Variants in SPIRE1 observed in about 807,000 individuals in gnomAD.
The protein encoded by SPIRE1 is protein spire homolog 1.
Under a neutral mutation model 94.1 loss-of-function variants are expected in SPIRE1, and 40 were observed. That is an observed-to-expected ratio of 0.43 (90% CI 0.33 to 0.55). SPIRE1 has a LOEUF of 0.55. Ranked by LOEUF, SPIRE1 falls within the 20% of genes least tolerant of loss-of-function variation. SPIRE1 has a pLI of 0.06. For missense variants in SPIRE1, 838 were observed against 975.2 expected (o/e 0.86, Z 1.87); for synonymous variants, 376 against 371.7 (o/e 1.01, Z -0.13).
At position 12,634,791 on chromosome 18, in the gene SPIRE1, T is replaced by C. The variant is rs757850917; in HGVS notation, c.372+271A>G. On this transcript the variant is annotated intron_variant, in intron 2 of 16. Transcript: ENST00000409402. ...CTCTACTAAAAATACAAAAATTAGC[T>C]GAGCGTGGTGGTGGGTGCCTATAAT... is the stretch of plus-strand genomic sequence containing the variant. Among the ~76,000 whole-genome samples the C allele has an allele frequency of 3.9e-4, 60 of 152,114 alleles. No individual in the cohort carries two copies. The Middle Eastern group carries it at 0.02, about 52-fold the overall frequency.
At chr18:12,601,600 A>C (rs971369840) in intron 2 of SPIRE1, among the ~76,000 whole-genome samples, 7 of 152,182 alleles carry the variant, frequency 4.6e-5, no homozygotes, top group Non-Finnish European at 1.0e-4. Context: ...ATCACTCCAG[A>C]TGAAAGAAAA....
chr18:12,622,824 C>T (rs905561009), intron 2 of SPIRE1, among the ~76,000 whole-genome samples: 7 of 152,158 alleles, frequency 4.6e-5, no homozygotes, highest in African/African-American at 1.7e-4. Flanking sequence ...TTCAGACATC[C>T]TTGTGTTCTG....
Position 12,496,083 on chromosome 18 carries a change from G to A in SPIRE1, c.992C>T (p.Pro331Leu), listed in dbSNP as rs1355184124. 5 of 1,613,260 alleles carry A rather than the reference G, an allele frequency of 3.1e-6. No individual in the cohort carries two copies. The highest frequency in any genetic ancestry group is 3.3e-5 in the Admixed American group (2 of 60,014). Residue 331 changes from proline to leucine, a missense_variant, in exon 7 of 17, where the codon CCT becomes CTT. Coordinates refer to ENST00000409402, the MANE Select transcript of SPIRE1 (RefSeq NM_001128626.2). ...TTCATGAGCACTCTTTTTTAACCGA[G>A]GGGGAATATCACCATTCACCTAAAA... ...RKVMVNGDIP[P>L]RLKKSAHEII...
chr18:12,603,425 T>C (rs1036013225), intron 2 of SPIRE1, among the ~76,000 whole-genome samples: 3 of 152,114 alleles, frequency 2.0e-5, no homozygotes, highest in Non-Finnish European at 4.4e-5. Context: ...TTTTTGTATA[T>C]TAATGATTGA....
At chr18:12,601,273 AAT>A (rs1237729033) in intron 2 of SPIRE1, among the ~76,000 whole-genome samples, 1 of 151,874 alleles carries the variant, frequency 6.6e-6, no homozygotes, top group Non-Finnish European at 1.5e-5. Context: ...AAATACAAAA[AAT>A]AGTCAGGCAT....
At chr18:12,462,082 T>C (rs1162719591) in intron 12 of SPIRE1, among the ~76,000 whole-genome samples, 2 of 152,248 alleles carry the variant, frequency 1.3e-5, no homozygotes, top group Non-Finnish European at 2.9e-5. Flanking sequence ...GACAAGGCTA[T>C]ATTTAATCGA....
chr18:12,527,381 C>A (rs2034552913), intron 4 of SPIRE1, among the ~76,000 whole-genome samples: 1 of 152,076 alleles, frequency 6.6e-6, no homozygotes. Flanking sequence ...TACTACCAAA[C>A]TCACAAGAAC....
intron 4 of SPIRE1, among the ~76,000 whole-genome samples, chr18:12,526,092 C>CACACACACACAGAG (rs765621602): frequency 6.7e-6 from 1 of 148,974 alleles, no homozygotes; most frequent in Non-Finnish European, 1.5e-5. Flanking sequence ...CACACACACA[C>CACACACACACAGAG]AGAGATGTAT....
At chr18:12,600,709 T>G (rs1032264976) in intron 2 of SPIRE1, among the ~76,000 whole-genome samples, 4 of 152,190 alleles carry the variant, frequency 2.6e-5, no homozygotes, top group Non-Finnish European at 5.9e-5. Context: ...TGGTAACTAA[T>G]TTAATACATT....
upstream of SPIRE1, chr18:12,658,700 G>A (rs561081058): frequency 4.6e-6 from 2 of 435,842 alleles, no homozygotes; most frequent in Middle Eastern, 3.5e-4. Flanking sequence ...AGTTTCCCGT[G>A]ACCCCGCGGC....
At chr18:12,627,376 G>A (rs2037660835) in intron 2 of SPIRE1, among the ~76,000 whole-genome samples, 1 of 152,100 alleles carries the variant, frequency 6.6e-6, no homozygotes, top group African/African-American at 2.4e-5. Context: ...CTATGTCCCT[G>A]CAAAGGACAT....
In SPIRE1 at chr18:12,489,777, A is replaced by T. The variant is rs28533061; in HGVS notation, c.1189+3295T>A. Among the ~76,000 whole-genome samples, 387 of 152,366 alleles carry T rather than the reference A, an allele frequency of 2.5e-3. 5 individuals are homozygous for T. Among genetic ancestry groups the T allele is most frequent in the African/African-American group, 9.0e-3 (374 of 41,596 alleles). On this transcript the variant is annotated intron_variant, in intron 8 of 16. Coordinates refer to ENST00000409402, the MANE Select transcript of SPIRE1 (RefSeq NM_001128626.2). ...GCCAAATAAACCATTAGATGCAGAT[A>T]ACAAAGTACTGTATATACACAGTTT...
At chr18:12,648,411 A>G (rs2038283628) in intron 1 of SPIRE1, among the ~76,000 whole-genome samples, 1 of 152,078 alleles carries the variant, frequency 6.6e-6, no homozygotes, top group Non-Finnish European at 1.5e-5. Context: ...TTCCCCCAAA[A>G]CTATAACCCA....
intron 2 of SPIRE1, among the ~76,000 whole-genome samples, chr18:12,553,082 G>A (rs1449213103): frequency 1.3e-5 from 2 of 152,188 alleles, no homozygotes; most frequent in African/African-American, 4.8e-5. Context: ...TACCCAGGTA[G>A]TACGCCATGG....
chr18:12,515,301 G>A (rs2034165801), intron 4 of SPIRE1, among the ~76,000 whole-genome samples: 2 of 151,944 alleles, frequency 1.3e-5, no homozygotes, highest in Non-Finnish European at 2.9e-5. Flanking sequence ...GACTGCTTGA[G>A]GCCAGGAGTT....
intron 12 of SPIRE1, among the ~76,000 whole-genome samples, chr18:12,456,136 A>G (rs2031496598): frequency 6.6e-6 from 1 of 152,212 alleles, no homozygotes; most frequent in African/African-American, 2.4e-5. Context: ...ACTCAGAAAG[A>G]TTATATCATT....
At chr18:12,620,718 T>A (rs2037442157) in intron 2 of SPIRE1, among the ~76,000 whole-genome samples, 1 of 152,178 alleles carries the variant, frequency 6.6e-6, no homozygotes, top group Admixed American at 6.5e-5. Context: ...AAAATAGGCA[T>A]AAATCTTCAT....
chr18:12,657,554 C>A lies in SPIRE1; in HGVS notation c.313G>T (p.Ala105Ser). The A allele has an allele frequency of 8.1e-7, 1 of 1,236,148 alleles. No homozygotes were observed. Among genetic ancestry groups the A allele is most frequent in the Middle Eastern group, 2.6e-4 (1 of 3,810 alleles). The allele number at this position is 1,236,148 out of a possible 1,614,324, so 76.6% of individuals were successfully genotyped here. Residue 105 changes from alanine to serine, a missense_variant, in exon 1 of 17, where the codon GCG becomes TCG. This residue lies in a region of SPIRE1 where 193 missense variants were observed against 170.5 expected (regional missense o/e 1.13). Transcript: ENST00000409402. ...CCCGCAACTGGGGGCGGCTCTCCCG[C>A]GTCGTCGGCCGCGGGCGCCAGGGTG... Reference protein sequence around the residue: ...AVTLAPAADDAGEPPPVAGKL... With the variant: ...AVTLAPAADDSGEPPPVAGKL...
chr18:12,597,518 T>C (rs1377228618), intron 2 of SPIRE1, among the ~76,000 whole-genome samples: 1 of 152,186 alleles, frequency 6.6e-6, no homozygotes, highest in African/African-American at 2.4e-5. Context: ...ACTATATCTC[T>C]GGGCCTGGCA....
Sources: gnomAD v4.1 joint callset for allele counts (sites outside exome capture counted in the v4.1 genomes callset) on GRCh38, gnomAD v4.1.1 for gene constraint, gnomAD v4.1.1 regional missense constraint, MANE v1.5 for transcripts, NCBI Gene and HGNC (gene_info 2026-07-23, HGNC 2026-07-21) for gene names.